Variants in SLCO3A1 observed in about 807,000 individuals in gnomAD.
The protein encoded by SLCO3A1 is solute carrier organic anion transporter family member 3A1.
SLCO3A1 carries 27 observed loss-of-function variants against 63.1 expected under a neutral mutation model. That is an observed-to-expected ratio of 0.43 (90% confidence interval 0.32 to 0.59). The LOEUF (loss-of-function observed/expected upper bound fraction) is 0.59. Among genes scored for constraint, SLCO3A1 ranks in the 20% least tolerant of loss-of-function variants. SLCO3A1 has a pLI of 0.09. For synonymous variants in SLCO3A1, 473 were observed against 409.9 expected, an observed-to-expected ratio of 1.15 and a Z score of -1.86; for missense variants, 773 against 945.8, an observed-to-expected ratio of 0.82 and a Z score of 2.40.
chr15:92,105,505 A>AC, intron 4 of SLCO3A1, among the ~76,000 whole-genome samples: 1 of 152,106 alleles, frequency 6.6e-6, no homozygotes, highest in East Asian at 1.9e-4. Context: ...CAGAGTGAGA[A>AC]CCCCCCTCCA....
rs1415122001 is a variant in SLCO3A1 at position 91,882,667 on chromosome 15, C to T, written c.180+28579C>T. Among the ~76,000 whole-genome samples the T allele has an allele frequency of 6.6e-6, 1 of 152,066 alleles. No individual in the cohort carries two copies. Among genetic ancestry groups the T allele is most frequent in the African/African-American group, 2.4e-5 (1 of 41,404 alleles). On this transcript the variant is annotated intron_variant, in intron 1 of 9. Coordinates refer to ENST00000318445, the MANE Select transcript of SLCO3A1 (RefSeq NM_013272.4). This position sits in a 1 kb window ranked among gnomAD's most constrained non-coding sequence, Gnocchi z 4.4. ...GTAGCTGGGACCACAGGCGTATGCA[C>T]CACCACCACGTCCAGCTAACTTTTT...
At chr15:91,983,609 C>G (rs529620411) in intron 2 of SLCO3A1, among the ~76,000 whole-genome samples, 4 of 152,164 alleles carry the variant, frequency 2.6e-5, no homozygotes, top group African/African-American at 9.7e-5. Context: ...AAATTACTTA[C>G]ATCTTCCTTG....
At chr15:92,169,087 C>T (rs555819755), downstream of SLCO3A1, among the ~76,000 whole-genome samples, 3 of 152,322 alleles carry the variant, frequency 2.0e-5, no homozygotes, top group Admixed American at 6.5e-5. Flanking sequence ...TAACATTTCT[C>T]AAGCACTGAC....
intron 1 of SLCO3A1, among the ~76,000 whole-genome samples, chr15:91,858,703 T>A (rs1896982183): frequency 6.6e-6 from 1 of 152,206 alleles, no homozygotes; most frequent in African/African-American, 2.4e-5. Context: ...GGAATCGTGT[T>A]TTCTGTTATG....
In SLCO3A1 at chr15:92,137,072, A is replaced by C. The variant is rs867917205; in HGVS notation, c.1512+8583A>C. Among the ~76,000 whole-genome samples, 617 of 146,050 alleles carry C rather than the reference A, an allele frequency of 4.2e-3. 4 individuals carry two copies. The highest frequency in any genetic ancestry group is 0.015 in the African/African-American group (568 of 38,128). Reference sequence around the variant, plus strand: ...TGTGCCATGCTGGTGCGCTGCACCCACTAACTCGTCATCTAGCATTAGGTA... The same window carrying C: ...TGTGCCATGCTGGTGCGCTGCACCCCCTAACTCGTCATCTAGCATTAGGTA... On this transcript the variant is annotated intron_variant, in intron 7 of 9. Coordinates refer to ENST00000318445, the MANE Select transcript of SLCO3A1 (RefSeq NM_013272.4).
At chr15:92,145,155 G>C (rs1448739766) in intron 7 of SLCO3A1, among the ~76,000 whole-genome samples, 2 of 152,142 alleles carry the variant, frequency 1.3e-5, no homozygotes, top group Non-Finnish European at 2.9e-5. Flanking sequence ...GGGATATGGA[G>C]CCCACTGAAG....
At chr15:92,142,281 C>G (rs149721205) in intron 7 of SLCO3A1, among the ~76,000 whole-genome samples, 8 of 152,322 alleles carry the variant, frequency 5.3e-5, no homozygotes, top group African/African-American at 1.7e-4. Context: ...GCTGCTATAT[C>G]AAAACACTTT....
At chr15:92,166,229 A>G (rs932892347), downstream of SLCO3A1, among the ~76,000 whole-genome samples, 2 of 152,198 alleles carry the variant, frequency 1.3e-5, no homozygotes, top group African/African-American at 4.8e-5. Context: ...AGAAGGCCAC[A>G]GCATGGCATG....
intron 1 of SLCO3A1, chr15:91,889,265 C>A: frequency 1.4e-6 from 1 of 730,906 alleles, no homozygotes; most frequent in Non-Finnish European, 2.1e-6. Context: ...ACCTGGAGTG[C>A]ATTTGCAACA....
At chr15:92,065,628 C>T (rs925447724) in intron 2 of SLCO3A1, among the ~76,000 whole-genome samples, 2 of 152,058 alleles carry the variant, frequency 1.3e-5, no homozygotes, top group African/African-American at 4.8e-5. Flanking sequence ...CCCAAGTGGC[C>T]CCTATTTCCT....
chr15:92,171,899 C>A, exon 11 of SLCO3A1: 1 of 1,466,812 alleles, frequency 6.8e-7, no homozygotes, highest in Admixed American at 2.0e-5. Flanking sequence ...AGAGAACAGC[C>A]CACCACCACC....
At chr15:92,008,799 T>C (rs7495052) in intron 2 of SLCO3A1, among the ~76,000 whole-genome samples, 60,610 of 152,074 alleles carry the variant, frequency 0.4, 12,724 homozygotes, top group East Asian at 0.74. Context: ...ATGATATATG[T>C]GAATGTAAAA....
At chr15:92,045,578 A>G (rs2046851164) in intron 2 of SLCO3A1, among the ~76,000 whole-genome samples, 1 of 152,156 alleles carries the variant, frequency 6.6e-6, no homozygotes, top group African/African-American at 2.4e-5. Flanking sequence ...ATAGCCTTTC[A>G]TACAGATGTG....
intron 2 of SLCO3A1, among the ~76,000 whole-genome samples, chr15:91,979,814 T>G (rs902740262): frequency 7.1e-5 from 10 of 140,756 alleles, no homozygotes; most frequent in Non-Finnish European, 1.4e-4. Context: ...ACTAATTAAA[T>G]GGTAGCATCT....
intron 2 of SLCO3A1, among the ~76,000 whole-genome samples, chr15:91,933,129 T>G (rs988662818): frequency 1.3e-5 from 2 of 152,198 alleles, no homozygotes; most frequent in African/African-American, 4.8e-5. Context: ...ATTTTTCTCC[T>G]TAAGGTATAT....
intron 2 of SLCO3A1, among the ~76,000 whole-genome samples, chr15:92,065,595 G>T (rs976989208): frequency 3.3e-5 from 5 of 152,280 alleles, no homozygotes; most frequent in Non-Finnish European, 5.9e-5. Flanking sequence ...CAGTAGAGTT[G>T]CCATAACTGT....
At chr15:92,001,594 A>G (rs2046255249) in intron 2 of SLCO3A1, among the ~76,000 whole-genome samples, 1 of 152,196 alleles carries the variant, frequency 6.6e-6, no homozygotes, top group Non-Finnish European at 1.5e-5. Context: ...TGGGTCTCAC[A>G]TGCCCCCCCA....
intron 7 of SLCO3A1, among the ~76,000 whole-genome samples, chr15:92,135,182 G>T (rs935955524): frequency 9.9e-5 from 15 of 152,166 alleles, no homozygotes; most frequent in South Asian, 4.1e-4. Flanking sequence ...GGGAGAGATG[G>T]AGGGGCCCTG....
chr15:92,016,615 A>G (rs1186813672), intron 2 of SLCO3A1, among the ~76,000 whole-genome samples: 1 of 152,212 alleles, frequency 6.6e-6, no homozygotes, highest in Non-Finnish European at 1.5e-5. Context: ...AGACTATTGC[A>G]TGGCTTAAAG....
Sources: allele counts gnomAD v4.1 joint callset (sites outside exome capture counted in the v4.1 genomes callset), GRCh38; gene constraint gnomAD v4.1.1; non-coding constraint Gnocchi (gnomAD v3.1); transcripts MANE v1.5; gene names NCBI Gene and HGNC (gene_info 2026-07-23, HGNC 2026-07-21).